Variants in ANO10 observed in about 807,000 individuals in gnomAD.
ANO10 encodes the protein anoctamin 10.
In ANO10, 77 loss-of-function variants were observed where a neutral mutation model predicts 74.7. The ratio of observed to expected loss-of-function variants is 1.03; its 90% CI spans 0.86 to 1.25. ANO10 has a LOEUF of 1.25. ANO10 is among the 50% of genes most tolerant of loss of function. ANO10 has a pLI of 0.00. For missense variants in ANO10, 721 were observed against 778.1 expected (o/e 0.93, Z 0.87); for synonymous variants, 279 against 284.9 (o/e 0.98, Z 0.21).
At position 43,485,198 on chromosome 3, in the gene ANO10, C is replaced by A. The variant is rs2076426364; in HGVS notation, c.1798-52471G>T. ...TGACAGCGCCTGCGGTGGTCAGGTA[C>A]CGGTATTGCCGGTACATGTTGTAGG... On this transcript the variant is annotated intron_variant, in intron 11 of 12. Coordinates refer to ENST00000292246, the MANE Select transcript of ANO10 (RefSeq NM_018075.5). The A allele has an allele frequency of 4.3e-6, 3 of 689,732 alleles. No individual in the cohort carries two copies. The East Asian group carries it at 7.9e-5, about 18-fold the overall frequency. The allele number at this position is 689,732 out of a possible 1,614,324, so 42.7% of individuals were successfully genotyped here.
chr3:43,385,981 A>G (rs1006493552), intron 12 of ANO10, among the ~76,000 whole-genome samples: 6 of 152,184 alleles, frequency 3.9e-5, no homozygotes, highest in Non-Finnish European at 5.9e-5. Context: ...AATATTATAC[A>G]ACATTAAATT....
intron 4 of ANO10, among the ~76,000 whole-genome samples, chr3:43,596,862 C>T (rs1248280992): frequency 2.0e-5 from 3 of 152,166 alleles, no homozygotes; most frequent in Non-Finnish European, 4.4e-5. Flanking sequence ...GCAATCTATC[C>T]ATCTGACAAA....
At chr3:43,395,970 T>C (rs1034300702) in intron 12 of ANO10, among the ~76,000 whole-genome samples, 3 of 152,254 alleles carry the variant, frequency 2.0e-5, no homozygotes, top group Admixed American at 1.3e-4. Context: ...TTCTAGTTTC[T>C]GCAGATCCAT....
intron 1 of ANO10, chr3:43,691,031 C>A (rs140969259): frequency 6.4e-7 from 1 of 1,560,322 alleles, no homozygotes; most frequent in Non-Finnish European, 8.7e-7. Context: ...CTGCCGACAC[C>A]GGAGAGAGGT....
intron 1 of ANO10, among the ~76,000 whole-genome samples, chr3:43,661,438 C>G (rs2083925733): frequency 6.6e-6 from 1 of 152,170 alleles, no homozygotes; most frequent in Non-Finnish European, 1.5e-5. Context: ...CCAGTACCAG[C>G]CACTGCAAAA....
intron 11 of ANO10, among the ~76,000 whole-genome samples, chr3:43,442,350 A>C (rs955634302): frequency 6.6e-6 from 1 of 152,144 alleles, no homozygotes; most frequent in Non-Finnish European, 1.5e-5. Context: ...ATACAAAATC[A>C]ACACACAAAA....
intron 4 of ANO10, among the ~76,000 whole-genome samples, chr3:43,594,515 G>A (rs1468344480): frequency 1.3e-5 from 2 of 152,060 alleles, no homozygotes; most frequent in African/African-American, 2.4e-5. Flanking sequence ...ATGACTACTG[G>A]GTACAAAATG....
intron 1 of ANO10, among the ~76,000 whole-genome samples, chr3:43,664,841 C>G (rs1350126195): frequency 6.6e-6 from 1 of 152,090 alleles, no homozygotes; most frequent in African/African-American, 2.4e-5. Context: ...CTATCTCACC[C>G]CAGTTAGAAT....
intron 12 of ANO10, among the ~76,000 whole-genome samples, chr3:43,388,821 T>C (rs1480825261): frequency 6.6e-6 from 1 of 152,222 alleles, no homozygotes; most frequent in African/African-American, 2.4e-5. Context: ...CTAAGAGAAG[T>C]AGTAAAACAC....
At chr3:43,603,736 T>C (rs1182228648) in intron 2 of ANO10, among the ~76,000 whole-genome samples, 1 of 152,238 alleles carries the variant, frequency 6.6e-6, no homozygotes, top group Non-Finnish European at 1.5e-5. Context: ...TGGCCTTTAA[T>C]GCAAGGCAGT....
At chr3:43,555,798 G>C (rs1398984093) in intron 9 of ANO10, among the ~76,000 whole-genome samples, 1 of 152,156 alleles carries the variant, frequency 6.6e-6, no homozygotes, top group Non-Finnish European at 1.5e-5. Context: ...CAGTATTAGT[G>C]TAAGTCAGAG....
At chr3:43,640,632 A>G (rs191160950) in intron 1 of ANO10, among the ~76,000 whole-genome samples, 99 of 152,334 alleles carry the variant, frequency 6.5e-4, no homozygotes, top group Admixed American at 1.8e-3. Context: ...AAAATGGTGA[A>G]TTCTTTTACT....
intron 11 of ANO10, among the ~76,000 whole-genome samples, chr3:43,479,654 T>C (rs76178976): frequency 3.7e-4 from 56 of 152,304 alleles, no homozygotes; most frequent in African/African-American, 6.5e-4. Flanking sequence ...CAAAGTGTAA[T>C]ACTGGGACCT....
intron 11 of ANO10, among the ~76,000 whole-genome samples, chr3:43,486,401 A>T (rs2076491559): frequency 6.6e-6 from 1 of 151,610 alleles, no homozygotes; most frequent in Non-Finnish European, 1.5e-5. Flanking sequence ...CTTGGGCAGT[A>T]TGGCCATTTT....
chr3:43,383,626 A>C (rs2092035565), intron 12 of ANO10, among the ~76,000 whole-genome samples: 1 of 152,186 alleles, frequency 6.6e-6, no homozygotes, highest in African/African-American at 2.4e-5. Context: ...TTTAACATTC[A>C]CAAGTCAATA....
rs575372574 is a variant in ANO10 at position 43,668,374 on chromosome 3, T to C, written c.-12+23143A>G. Among the ~76,000 whole-genome samples, 4 of 152,312 alleles carry C rather than the reference T, an allele frequency of 2.6e-5. No individual in the cohort carries two copies. In the South Asian group the frequency reaches 8.3e-4, roughly 32 times the overall value. On this transcript the variant is annotated intron_variant, in intron 1 of 3. Coordinates refer to the ANO10 transcript ENST00000413397. The stretch of plus-strand genomic sequence containing the variant: ...TTTGTGAATGTTTTCTCTCACTCTG[T>C]GGGCTGTTTGTTCTGCTGATTATTT...
intron 4 of ANO10, among the ~76,000 whole-genome samples, chr3:43,598,069 A>G (rs1216245693): frequency 1.3e-5 from 2 of 152,212 alleles, no homozygotes; most frequent in Non-Finnish European, 2.9e-5. Flanking sequence ...ATTGTAGTAA[A>G]CTTTCATTCT....
chr3:43,661,610 CA>C (rs1186680340), intron 1 of ANO10, among the ~76,000 whole-genome samples: 1 of 152,096 alleles, frequency 6.6e-6, no homozygotes, highest in African/African-American at 2.4e-5. Flanking sequence ...CACAGACTGG[CA>C]AATTGGATAA....
At chr3:43,561,110 C>T in intron 9 of ANO10, 110 bp downstream of exon 9, 1 of 1,300,262 alleles carries the variant, frequency 7.7e-7, no homozygotes, top group East Asian at 2.3e-5. Context: ...CTGGAAAGCA[C>T]TTCTAGAATA....
Sources: gnomAD v4.1 joint callset for allele counts (sites outside exome capture counted in the v4.1 genomes callset) on GRCh38, gnomAD v4.1.1 for gene constraint, MANE v1.5 for transcripts, NCBI Gene and HGNC (gene_info 2026-07-23, HGNC 2026-07-21) for gene names.